DCDC1: variants seen among roughly 807,000 people sequenced by gnomAD.
The protein encoded by DCDC1 is doublecortin domain-containing protein 1.
DCDC1 carries 200 observed loss-of-function variants against 178.3 expected under a neutral mutation model. That is an observed-to-expected ratio of 1.12 (90% CI 1.00 to 1.26). The LOEUF is 1.26. DCDC1 is among the 50% of genes most tolerant of loss of function. The probability of loss-of-function intolerance (pLI) is 0.00; values close to 1 mark genes in which losing one functional copy is unlikely to be tolerated. For missense variants in DCDC1, 1,983 were observed against 1,749.2 expected, an observed-to-expected ratio of 1.13 and a Z score of -2.38; for synonymous variants, 690 against 604.8, an observed-to-expected ratio of 1.14 and a Z score of -2.07.
intron 36 of DCDC1, among the ~76,000 whole-genome samples, chr11:30,889,002 C>T (rs1201785787): frequency 6.6e-6 from 1 of 152,132 alleles, no homozygotes; most frequent in Admixed American, 6.5e-5. Flanking sequence ...CTTGCCTATC[C>T]AAATCAGAAG....
In DCDC1 at chr11:30,899,605, C is replaced by T; in HGVS notation, c.4701G>A (p.Trp1567Ter). 1 of 1,574,166 alleles carries T rather than the reference C, an allele frequency of 6.4e-7. No individual in the cohort carries two copies. Among genetic ancestry groups the T allele is most frequent in the Non-Finnish European group, 8.6e-7 (1 of 1,159,086 alleles). The change falls in exon 34 of 39, where the codon TGG becomes TGA. Residue 1567 changes from tryptophan to a stop codon, truncating the protein, a stop_gained. Coordinates refer to ENST00000684477, the MANE Select transcript of DCDC1 (RefSeq NM_001387274.1). LOFTEE classifies it high-confidence loss of function. The stretch of plus-strand genomic sequence containing the variant: ...CAGCCAAAATTCTGTCCTTTTTTAG[C>T]CAGTTCTGTTTCTCTAATTTTTCTG... ...QKAEKLEKQNWLKKDRILADL... is the reference protein window; with the variant it reads ...QKAEKLEKQN
intron 20 of DCDC1, among the ~76,000 whole-genome samples, chr11:31,057,397 A>G (rs1955657128): frequency 6.6e-6 from 1 of 152,194 alleles, no homozygotes; most frequent in Non-Finnish European, 1.5e-5. Context: ...AAATTAATCT[A>G]GAAGTCAATA....
intron 10 of DCDC1, among the ~76,000 whole-genome samples, chr11:31,134,522 G>A (rs1283869739): frequency 1.3e-5 from 2 of 152,110 alleles, no homozygotes; most frequent in African/African-American, 4.8e-5. Flanking sequence ...TTTGGGTCAG[G>A]CCTGCATTTC....
At chr11:30,945,742 A>G (rs138681240) in intron 21 of DCDC1, among the ~76,000 whole-genome samples, 7 of 129,964 alleles carry the variant, frequency 5.4e-5, no homozygotes, top group Admixed American at 1.6e-4. Flanking sequence ...CTATCTATCT[A>G]TCTATCTGTC....
At chr11:31,060,445 T>C (rs1201595963) in intron 20 of DCDC1, among the ~76,000 whole-genome samples, 2 of 152,120 alleles carry the variant, frequency 1.3e-5, no homozygotes, top group Admixed American at 6.6e-5. Flanking sequence ...CTGTTTCTTA[T>C]CAAATCATAT....
At position 30,900,517 on chromosome 11, in the gene DCDC1, C is replaced by T. The variant is rs1944580506; in HGVS notation, c.4511-19G>A. 5.3e-6 allele frequency: 8 copies of T among 1,495,494 alleles called. No individual in the cohort carries two copies. The highest frequency in any genetic ancestry group is 2.8e-5 in the South Asian group (2 of 70,960). The allele number at this position is 1,495,494 out of a possible 1,614,324, so 92.6% of individuals were successfully genotyped here. A position where few individuals can be genotyped will look rare whatever the true frequency, so the allele number is the denominator to read the frequency against. On this transcript the variant is annotated intron_variant, in intron 32 of 38. Coordinates refer to ENST00000684477, the MANE Select transcript of DCDC1 (RefSeq NM_001387274.1). Reference sequence around the variant, plus strand: ...GGATTTTCTGGTGGAAAAAATGACACATTTATCATTGTTCAACGAATAATG... The same window carrying T: ...GGATTTTCTGGTGGAAAAAATGACATATTTATCATTGTTCAACGAATAATG...
intron 9 of DCDC1, among the ~76,000 whole-genome samples, chr11:31,201,188 A>C (rs1019667429): frequency 6.6e-6 from 1 of 152,068 alleles, no homozygotes; most frequent in Non-Finnish European, 1.5e-5. Flanking sequence ...CTACTAGCTT[A>C]CTTCAATGGT....
At chr11:31,310,964 C>T (rs1003452030) in intron 3 of DCDC1, among the ~76,000 whole-genome samples, 64 of 152,296 alleles carry the variant, frequency 4.2e-4, no homozygotes, top group African/African-American at 1.4e-3. Context: ...AGACTCCATG[C>T]TTTTTGACTC....
At chr11:31,197,295 C>A (rs1359879558) in intron 9 of DCDC1, among the ~76,000 whole-genome samples, 1 of 151,994 alleles carries the variant, frequency 6.6e-6, no homozygotes, top group African/African-American at 2.4e-5. Context: ...TCTCTTAAAG[C>A]AAACATATTG....
chr11:31,029,804 A>G (rs899682403), intron 20 of DCDC1, among the ~76,000 whole-genome samples: 26 of 152,148 alleles, frequency 1.7e-4, no homozygotes, highest in Admixed American at 1.7e-3. Flanking sequence ...TTTGTCTTAT[A>G]TATTTTAAAA....
rs983401228 is a variant in DCDC1 at position 31,140,961 on chromosome 11, A to C, written c.1222-3177T>G. On this transcript the variant is annotated intron_variant, in intron 9 of 38. Transcript: ENST00000684477. Reference sequence around the variant, plus strand: ...TTAAAACATGTAGCCCCTTGTGACCATAATTAAAAGTGCTCTTAATTCTGA... The same window carrying C: ...TTAAAACATGTAGCCCCTTGTGACCCTAATTAAAAGTGCTCTTAATTCTGA... Among the ~76,000 whole-genome samples, 4 of 152,296 alleles carry C rather than the reference A, an allele frequency of 2.6e-5. No individual in the cohort carries two copies. In the South Asian group the frequency reaches 8.3e-4, roughly 32 times the overall value.
rs566675114 is a variant in DCDC1, at chr11:31,187,328, A to G, written c.1222-49544T>C. On this transcript the variant is annotated intron_variant, in intron 9 of 38. Coordinates refer to ENST00000684477, the MANE Select transcript of DCDC1 (RefSeq NM_001387274.1). The stretch of plus-strand genomic sequence containing the variant: ...AACTAACTCTATCTTGTTGACTGCT[A>G]TGTTGCCAAGGCCTAGCATAATACC... Among the ~76,000 whole-genome samples, 10 of 152,300 alleles carry G rather than the reference A, an allele frequency of 6.6e-5. No individual in the cohort carries two copies. In the East Asian group the frequency reaches 1.9e-3, roughly 29 times the overall value.
intron 1 of DCDC1, among the ~76,000 whole-genome samples, chr11:31,340,030 T>C (rs1009349185): frequency 5.3e-5 from 8 of 152,182 alleles, no homozygotes; most frequent in Non-Finnish European, 2.9e-5. Context: ...TTTATCTTGA[T>C]GAAAATAATG....
chr11:31,060,701 TTA>T (rs775936018), intron 20 of DCDC1, among the ~76,000 whole-genome samples: 52 of 152,130 alleles, frequency 3.4e-4, no homozygotes, highest in South Asian at 8.3e-4. Context: ...AAACATTTAA[TTA>T]TTAAAATTTG....
chr11:31,215,015 A>C (rs1973357748), intron 9 of DCDC1, among the ~76,000 whole-genome samples: 1 of 152,000 alleles, frequency 6.6e-6, no homozygotes, highest in African/African-American at 2.4e-5. Flanking sequence ...TATTAAACTG[A>C]TGTGTATATA....
chr11:31,198,071 C>A (rs1320513563), intron 9 of DCDC1, among the ~76,000 whole-genome samples: 1 of 151,956 alleles, frequency 6.6e-6, no homozygotes, highest in Non-Finnish European at 1.5e-5. Flanking sequence ...TTGTCATCAT[C>A]ATCATGAAAA....
At chr11:31,342,850 A>G (rs1273492002) in intron 1 of DCDC1, among the ~76,000 whole-genome samples, 2 of 152,238 alleles carry the variant, frequency 1.3e-5, no homozygotes, top group Non-Finnish European at 1.5e-5. Context: ...TTCAAAAATA[A>G]CCTGAAGAAA....
chr11:31,341,810 T>TACAC (rs775832478), intron 1 of DCDC1, among the ~76,000 whole-genome samples: 1 of 62,588 alleles, frequency 1.6e-5, no homozygotes, highest in Non-Finnish European at 3.0e-5. Flanking sequence ...AATGCATGAC[T>TACAC]ATACACACAC....
chr11:31,155,260 A>G (rs1026408056), intron 9 of DCDC1, among the ~76,000 whole-genome samples: 4 of 152,206 alleles, frequency 2.6e-5, no homozygotes, highest in African/African-American at 9.6e-5. Context: ...TGATATTTTC[A>G]TGTTCAATGT....
Sources: gnomAD v4.1 joint callset for allele counts (sites outside exome capture counted in the v4.1 genomes callset) on GRCh38, gnomAD v4.1.1 for gene constraint, MANE v1.5 for transcripts, NCBI Gene and HGNC (gene_info 2026-07-23, HGNC 2026-07-21) for gene names.